Variants in MPHOSPH8 observed in about 807,000 individuals in gnomAD.
MPHOSPH8 encodes M-phase phosphoprotein, mpp.
A neutral mutation model predicts 87.3 loss-of-function variants in MPHOSPH8; 45 were observed. The ratio of observed to expected loss-of-function variants is 0.52; its 90% CI spans 0.41 to 0.66. The LOEUF is 0.66. Ranked by LOEUF, MPHOSPH8 falls within the 30% of genes least tolerant of loss-of-function variation. The pLI, the probability that MPHOSPH8 is intolerant of heterozygous loss-of-function variation, is 0.00. For missense variants in MPHOSPH8, 883 were observed against 1,020.2 expected, an observed-to-expected ratio of 0.87 and a Z score of 1.83; for synonymous variants, 366 against 376.9, an observed-to-expected ratio of 0.97 and a Z score of 0.33.
In MPHOSPH8 at chr13:19,646,606, T is replaced by G; in HGVS notation, c.533T>G (p.Leu178Arg). ...LKKKKAKAGK[L>R]KDKSKPDLES... ...AAGAAAAAAGCAAAGGCCGGGAAGC[T>G]AAAAGACAAGTCCAAACCAGACCTG... The change falls in exon 3 of 14, where the codon CTA becomes CGA. Residue 178 changes from leucine to arginine, a missense_variant. Physicochemically the swap from Leu to Arg is moderately radical, Grantham distance 102. Coordinates refer to ENST00000361479, the MANE Select transcript of MPHOSPH8 (RefSeq NM_017520.4). 6.3e-7 allele frequency: 1 copy of G among 1,583,822 alleles called. No individual in the cohort carries two copies. The highest frequency in any genetic ancestry group is 1.2e-5 in the South Asian group (1 of 84,168).
At chr13:19,636,332 TTAA>T (rs765087521) in intron 1 of MPHOSPH8, among the ~76,000 whole-genome samples, 7 of 152,300 alleles carry the variant, frequency 4.6e-5, no homozygotes, top group African/African-American at 1.4e-4. Context: ...TTTTTACTAA[TTAA>T]TAATATTTCT....
intron 1 of MPHOSPH8, among the ~76,000 whole-genome samples, chr13:19,639,470 C>T (rs370653356): frequency 2.0e-5 from 3 of 152,056 alleles, no homozygotes; most frequent in Admixed American, 6.5e-5. Flanking sequence ...GCCACCACAC[C>T]CGGCTAATTT....
rs192047065 is a variant in MPHOSPH8, at chr13:19,642,650, C to A, written c.369+380C>A. Among the ~76,000 whole-genome samples the A allele has an allele frequency of 6.7e-4, 101 of 150,722 alleles. No individual in the cohort carries two copies. In the South Asian group the frequency reaches 0.017, roughly 26 times the overall value. ...CTATGTCTTATGCCTGCTTTTTCTGCTAGTTAAAACAAATTATCTGGTGAG... is the reference window on the plus strand; with the variant it reads ...CTATGTCTTATGCCTGCTTTTTCTGATAGTTAAAACAAATTATCTGGTGAG... On this transcript the variant is annotated intron_variant, in intron 2 of 13. Coordinates refer to ENST00000361479, the MANE Select transcript of MPHOSPH8 (RefSeq NM_017520.4).
At chr13:19,660,761 G>A (rs1048424986) in intron 7 of MPHOSPH8, among the ~76,000 whole-genome samples, 1 of 152,024 alleles carries the variant, frequency 6.6e-6, no homozygotes, top group African/African-American at 2.4e-5. Context: ...ATTGCTTGTC[G>A]ATGGTAAAGC....
chr13:19,639,946 C>T (rs545135383), intron 1 of MPHOSPH8, among the ~76,000 whole-genome samples: 1 of 152,128 alleles, frequency 6.6e-6, no homozygotes, highest in Admixed American at 6.5e-5. Flanking sequence ...CTCTACTAAA[C>T]AATACAAAAC....
intron 1 of MPHOSPH8, among the ~76,000 whole-genome samples, chr13:19,638,042 A>G (rs1874094876): frequency 6.6e-6 from 1 of 151,338 alleles, no homozygotes; most frequent in Non-Finnish European, 1.5e-5. Flanking sequence ...TGGAGCTTGC[A>G]GTGAGCAGAG....
At chr13:19,637,312 C>A (rs1032812138) in intron 1 of MPHOSPH8, among the ~76,000 whole-genome samples, 1 of 152,144 alleles carries the variant, frequency 6.6e-6, no homozygotes, top group African/African-American at 2.4e-5. Flanking sequence ...ATTTTCTAGT[C>A]TCCACTGCTT....
At chr13:19,649,979 C>T in intron 4 of MPHOSPH8, 24 bp from the exon 5 acceptor site, 8 of 1,517,246 alleles carry the variant, frequency 5.3e-6, no homozygotes, top group African/African-American at 1.4e-5. Flanking sequence ...CATACTTAAC[C>T]ATCTATTTTA....
At chr13:19,641,707 G>A (rs2137502174) in intron 1 of MPHOSPH8, among the ~76,000 whole-genome samples, 1 of 152,030 alleles carries the variant, frequency 6.6e-6, no homozygotes, top group East Asian at 1.9e-4. Flanking sequence ...TGTTGGCCAG[G>A]CTGGTCTTCA....
chr13:19,661,905 C>T (rs1247690307), intron 8 of MPHOSPH8, 67 bp downstream of exon 8: 71 of 1,489,854 alleles, frequency 4.8e-5, no homozygotes, highest in Non-Finnish European at 6.3e-5. Context: ...CTGAGAGGAT[C>T]TCTTTGGTAG....
At chr13:19,662,893 C>CG in intron 8 of MPHOSPH8, 147 bp from the exon 9 acceptor site, 1 of 683,588 alleles carries the variant, frequency 1.5e-6, no homozygotes, top group East Asian at 2.7e-5. Flanking sequence ...GGTGCACCCC[C>CG]GTGGCCCCAC....
intron 1 of MPHOSPH8, among the ~76,000 whole-genome samples, chr13:19,639,794 A>C (rs1470757391): frequency 1.3e-5 from 2 of 152,188 alleles, no homozygotes; most frequent in African/African-American, 4.8e-5. Flanking sequence ...AAAGTCGTGA[A>C]AACTTATTCC....
In MPHOSPH8 at chr13:19,633,981, C is replaced by G. The variant is rs1406532658; in HGVS notation, c.213+20C>G. On this transcript the variant is annotated intron_variant, in intron 1 of 13. Transcript: ENST00000361479. The stretch of plus-strand genomic sequence containing the variant: ...GAGGGGGTATGTGGAGGGGCCCCGG[C>G]GCGGGGCTGGGCGGGGAGCTCCGGG... 1.0e-5 allele frequency: 16 copies of G among 1,595,618 alleles called. No individual in the cohort carries two copies. Among genetic ancestry groups the G allele is most frequent in the African/African-American group, 1.3e-5 (1 of 74,828 alleles).
At chr13:19,651,192 A>G (rs1874827340) in intron 5 of MPHOSPH8, among the ~76,000 whole-genome samples, 1 of 152,268 alleles carries the variant, frequency 6.6e-6, no homozygotes, top group African/African-American at 2.4e-5. Flanking sequence ...GTACAGATTT[A>G]AAAGATGAAA....
At chr13:19,635,825 G>A in intron 1 of MPHOSPH8, among the ~76,000 whole-genome samples, 1 of 152,152 alleles carries the variant, frequency 6.6e-6, no homozygotes, top group South Asian at 2.1e-4. Context: ...ATCTTGAATT[G>A]TATTCCCCAT....
intron 8 of MPHOSPH8, among the ~76,000 whole-genome samples, chr13:19,662,221 G>T (rs547874401): frequency 6.6e-6 from 1 of 152,134 alleles, no homozygotes; most frequent in East Asian, 1.9e-4. Context: ...TTACAGGCGT[G>T]AGCCACCGCG....
At chr13:19,660,433 T>C (rs940488378) in intron 7 of MPHOSPH8, among the ~76,000 whole-genome samples, 13 of 152,214 alleles carry the variant, frequency 8.5e-5, no homozygotes, top group Admixed American at 6.5e-5. Flanking sequence ...AAAATATTTT[T>C]ATATTCTTTA....
intron 5 of MPHOSPH8, among the ~76,000 whole-genome samples, chr13:19,651,606 G>A (rs1377252489): frequency 2.6e-5 from 4 of 151,934 alleles, no homozygotes; most frequent in South Asian, 2.1e-4. Flanking sequence ...GAGGCAGGAG[G>A]ATCAATAAGC....
intron 1 of MPHOSPH8, among the ~76,000 whole-genome samples, chr13:19,640,464 T>C (rs1380985774): frequency 6.6e-6 from 1 of 152,078 alleles, no homozygotes; most frequent in Non-Finnish European, 1.5e-5. Context: ...GATGGACTCT[T>C]GTATCTGGTG....
Sources: gnomAD v4.1 joint callset for allele counts (sites outside exome capture counted in the v4.1 genomes callset) on GRCh38, gnomAD v4.1.1 for gene constraint, MANE v1.5 for transcripts, NCBI Gene and HGNC (gene_info 2026-07-23, HGNC 2026-07-21) for gene names.